OPRM1: variants seen among roughly 807,000 people sequenced by gnomAD.
OPRM1 encodes the protein opioid receptor mu 1.
In OPRM1, 27 loss-of-function variants were observed where a neutral mutation model predicts 31.8. The observed-to-expected ratio is 0.85, with a 90% CI of 0.63 to 1.17. The LOEUF is 1.17. Among genes scored for constraint, OPRM1 ranks in the 50% most tolerant of loss-of-function variants. The probability of loss-of-function intolerance (pLI) is 0.00; values close to 1 mark genes in which losing one functional copy is unlikely to be tolerated. For missense variants in OPRM1, 536 were observed against 511.1 expected (o/e 1.05, Z -0.47); for synonymous variants, 196 against 189.9 (o/e 1.03, Z -0.26).
chr6:154,113,855 G>A (rs1796588660), intron 3 of OPRM1, among the ~76,000 whole-genome samples: 1 of 152,158 alleles, frequency 6.6e-6, no homozygotes, highest in South Asian at 2.1e-4. Context: ...CTGGGATTCA[G>A]AGACAAAAAG....
chr6:154,017,361 G>A (rs948886379), intron 1 of OPRM1, among the ~76,000 whole-genome samples: 8 of 152,102 alleles, frequency 5.3e-5, no homozygotes, highest in Non-Finnish European at 8.8e-5. Context: ...GTCACAGTGC[G>A]TTTTGCCATG....
upstream of OPRM1, among the ~76,000 whole-genome samples, chr6:154,035,486 A>C (rs1466150582): frequency 6.6e-6 from 1 of 152,138 alleles, no homozygotes; most frequent in African/African-American, 2.4e-5. Context: ...AAATACATAA[A>C]ATGTTCCTCC....
At chr6:154,178,152 T>TGGGGGGGGGGGGGGGGGTG (rs1554289111) in intron 3 of OPRM1, among the ~76,000 whole-genome samples, 1 of 38,844 alleles carries the variant, frequency 2.6e-5, no homozygotes, top group African/African-American at 1.0e-4. Context: ...GGTGGGGGGC[T>TGGGGGGGGGGGGGGGGGTG]GGGGGAGGGA....
intron 1 of OPRM1, among the ~76,000 whole-genome samples, chr6:154,023,710 G>A (rs919828640): frequency 2.0e-5 from 3 of 152,034 alleles, no homozygotes; most frequent in African/African-American, 7.2e-5. Context: ...TTATTATGTC[G>A]AGGTATGTTC....
In OPRM1 at chr6:154,127,408, TAGGGGG is replaced by T. The variant is rs1444934384; in HGVS notation, c.*8691_*8696del. 2.0e-5 allele frequency among the ~76,000 whole-genome samples: 3 copies of T among 152,182 alleles called. No individual in the cohort carries two copies. The highest frequency in any genetic ancestry group is 7.2e-5 in the African/African-American group (3 of 41,440). On this transcript the variant is annotated 3_prime_UTR_variant, in exon 4 of 4. Coordinates refer to ENST00000330432, the MANE Select transcript of OPRM1 (RefSeq NM_000914.5). ...CCTACTCTTCAAGGGTTTAGGGGCT[TAGGGGG>T]AGGTTTTGTTTGGGTTTTTTGTTGC... is the stretch of plus-strand genomic sequence containing the variant.
chr6:154,039,726 C>G lies in OPRM1; in HGVS notation c.182C>G (p.Pro61Arg). Residue 61 changes from proline (P) to arginine (R), a missense_variant, in exon 1 of 4, where the codon CCG becomes CGG. Transcript: ENST00000330432. ...GGCGGGAGAGACAGCCTGTGCCCTC[C>G]GACCGGCAGTCCCTCCATGATCACG... is the stretch of plus-strand genomic sequence containing the variant. ...DLGGRDSLCPPTGSPSMITAI... is the reference protein window; with the variant it reads ...DLGGRDSLCPRTGSPSMITAI... 1.2e-6 allele frequency: 2 copies of G among 1,611,334 alleles called. No individual in the cohort carries two copies. Among genetic ancestry groups the G allele is most frequent in the Non-Finnish European group, 1.7e-6 (2 of 1,180,018 alleles).
At chr6:154,152,372 GAAAGAAAGAAAGAA>G (rs1798555719) in intron 3 of OPRM1, among the ~76,000 whole-genome samples, 2 of 149,304 alleles carry the variant, frequency 1.3e-5, no homozygotes, top group African/African-American at 5.1e-5. Context: ...AAGAAAGAAA[GAAAGAAAGAAAGAA>G]AGAAAGAGAA....
chr6:154,216,385 T>A (rs1332158224), intron 3 of OPRM1, among the ~76,000 whole-genome samples: 1 of 152,126 alleles, frequency 6.6e-6, no homozygotes. Context: ...ATTGTGCCTT[T>A]GAAATTACAA....
intron 3 of OPRM1, among the ~76,000 whole-genome samples, chr6:154,189,893 G>A (rs756888263): frequency 1.3e-4 from 19 of 151,406 alleles, no homozygotes; most frequent in Non-Finnish European, 1.9e-4. Context: ...GCAGTGAGCC[G>A]AGAATGCACC....
chr6:154,035,775 C>G (rs1779267114), upstream of OPRM1, among the ~76,000 whole-genome samples: 1 of 152,034 alleles, frequency 6.6e-6, no homozygotes, highest in African/African-American at 2.4e-5. Context: ...TGCTTTGAAA[C>G]AAATAATTTT....
intron 3 of OPRM1, among the ~76,000 whole-genome samples, chr6:154,218,682 T>C (rs1418142044): frequency 6.6e-6 from 1 of 152,236 alleles, no homozygotes; most frequent in Non-Finnish European, 1.5e-5. Context: ...GTTGCATTGT[T>C]GGCTACTAGA....
chr6:154,118,227 T>C (rs910518653), intron 3 of OPRM1, among the ~76,000 whole-genome samples: 2 of 152,132 alleles, frequency 1.3e-5, no homozygotes. Flanking sequence ...AAATCATTAA[T>C]TTTGAGAATT....
At chr6:154,169,269 G>A (rs1290285508) in intron 3 of OPRM1, among the ~76,000 whole-genome samples, 8 of 152,108 alleles carry the variant, frequency 5.3e-5, no homozygotes, top group African/African-American at 1.9e-4. Context: ...ACTGAGACAC[G>A]AGAATCACTT....
intron 3 of OPRM1, among the ~76,000 whole-genome samples, chr6:154,149,032 G>T (rs1372902986): frequency 6.6e-6 from 1 of 152,126 alleles, no homozygotes; most frequent in African/African-American, 2.4e-5. Context: ...CAAGTAAATG[G>T]TTATAGGTTC....
intron 1 of OPRM1, among the ~76,000 whole-genome samples, chr6:154,019,747 C>CTTTTTTTTTTT (rs373120574): frequency 2.5e-4 from 30 of 121,986 alleles, no homozygotes; most frequent in African/African-American, 6.8e-4. Context: ...CTTTTCTTTT[C>CTTTTTTTTTTT]TTTTTTTTTT....
At chr6:154,143,090 T>TA (rs568544765) in intron 3 of OPRM1, among the ~76,000 whole-genome samples, 4 of 152,116 alleles carry the variant, frequency 2.6e-5, no homozygotes, top group Admixed American at 2.0e-4. Flanking sequence ...AATATATATA[T>TA]AAAAAAAGGT....
At chr6:154,107,489 T>G in intron 3 of OPRM1, 1 of 718,614 alleles carries the variant, frequency 1.4e-6, no homozygotes, top group East Asian at 2.7e-5. Flanking sequence ...GGACTGTCAC[T>G]GTGAAAATGC....
At chr6:154,148,760 G>A (rs115738026) in intron 3 of OPRM1, among the ~76,000 whole-genome samples, 1,719 of 152,230 alleles carry the variant, frequency 0.011, 29 homozygotes, top group African/African-American at 0.039. Context: ...GCTCTGCCCC[G>A]TGGAAGGCTT....
chr6:154,179,990 G>C lies in OPRM1; in HGVS notation c.1165-66703G>C, dbSNP rs117270531. 6.0e-3 allele frequency among the ~76,000 whole-genome samples: 906 copies of C among 152,268 alleles called. 3 individuals are homozygous for C. Among genetic ancestry groups the C allele is most frequent in the Non-Finnish European group, 0.01 (684 of 68,030 alleles). ...CATGAACCATACTTTGAGTAGCAAG[G>C]CCAGCCTGTTAGCAATTTTTCATGC... On this transcript the variant is annotated intron_variant, in intron 3 of 3. Transcript: ENST00000337049.
Sources: gnomAD v4.1 joint callset for allele counts (sites outside exome capture counted in the v4.1 genomes callset) on GRCh38, gnomAD v4.1.1 for gene constraint, MANE v1.5 for transcripts, NCBI Gene and HGNC (gene_info 2026-07-23, HGNC 2026-07-21) for gene names.